The following THEMIS variants were observed in gnomAD, a reference collection of about 807,000 sequenced individuals.
THEMIS encodes the protein protein THEMIS.
A neutral mutation model predicts 52.6 loss-of-function variants in THEMIS; 37 were observed. That is an observed-to-expected ratio of 0.70 (90% CI 0.54 to 0.93). The LOEUF (loss-of-function observed/expected upper bound fraction) is 0.93, where lower values mean the gene tolerates loss of function less well. Ranked by LOEUF, THEMIS falls within the 40% of genes least tolerant of loss-of-function variation. THEMIS has a pLI of 0.00. For missense variants in THEMIS, 808 were observed against 763.1 expected (o/e 1.06, Z -0.69); for synonymous variants, 292 against 272.7 (o/e 1.07, Z -0.70).
chr6:127,802,058 G>A (rs1562266411), intron 4 of THEMIS, among the ~76,000 whole-genome samples: 3 of 152,062 alleles, frequency 2.0e-5, no homozygotes, highest in Non-Finnish European at 4.4e-5. Context: ...AGTTAAAAAA[G>A]GTTCTAAGAG....
At chr6:127,883,212 G>C (rs1280011203) in intron 1 of THEMIS, among the ~76,000 whole-genome samples, 1 of 151,964 alleles carries the variant, frequency 6.6e-6, no homozygotes, top group East Asian at 1.9e-4. Context: ...TTGGTTCTAT[G>C]ATGATAGCAT....
chr6:127,821,714 G>C (rs922055423), intron 3 of THEMIS, among the ~76,000 whole-genome samples: 2 of 151,848 alleles, frequency 1.3e-5, no homozygotes, highest in Non-Finnish European at 2.9e-5. Context: ...TGAATTTAGG[G>C]GACACCACTA....
At chr6:127,833,805 T>C (rs1778781804) in intron 2 of THEMIS, among the ~76,000 whole-genome samples, 1 of 152,144 alleles carries the variant, frequency 6.6e-6, no homozygotes, top group Admixed American at 6.6e-5. Context: ...TATACATTTG[T>C]AGAATATACC....
chr6:127,905,699 A>C (rs919636274), upstream of THEMIS, among the ~76,000 whole-genome samples: 1 of 152,044 alleles, frequency 6.6e-6, no homozygotes, highest in Admixed American at 6.6e-5. Flanking sequence ...CAAAAGCAAA[A>C]CTGATAATGA....
At chr6:127,915,454 C>T (rs549540886) in intron 1 of THEMIS, among the ~76,000 whole-genome samples, 24 of 151,870 alleles carry the variant, frequency 1.6e-4, no homozygotes, top group African/African-American at 4.8e-4. Context: ...AGGCCTTGTT[C>T]GGGCCTATTG....
rs142442434 is a variant in THEMIS at position 127,873,014 on chromosome 6, G to A, written c.92-17826C>T. 4.2e-3 allele frequency among the ~76,000 whole-genome samples: 644 copies of A among 152,232 alleles called. 2 individuals carry two copies. The highest frequency in any genetic ancestry group is 7.5e-3 in the Non-Finnish European group (509 of 67,986). On this transcript the variant is annotated intron_variant, in intron 1 of 5. Coordinates refer to ENST00000368248, the MANE Select transcript of THEMIS (RefSeq NM_001010923.3). ...TTCTGAAACTAGCTATGAACCTGTG[G>A]ATAATGAAATTCAAAATAAAATATT...
chr6:127,743,585 T>C (rs1446926152), intron 4 of THEMIS, among the ~76,000 whole-genome samples: 1 of 152,080 alleles, frequency 6.6e-6, no homozygotes, highest in Non-Finnish European at 1.5e-5. Context: ...AATGTACAAG[T>C]GGTTTTTTAG....
chr6:127,824,598 T>TAAA (rs147570426), intron 3 of THEMIS, among the ~76,000 whole-genome samples: 6 of 148,172 alleles, frequency 4.0e-5, no homozygotes, highest in Non-Finnish European at 7.5e-5. Flanking sequence ...CACCAAAACT[T>TAAA]AAAAAAAAAA....
chr6:127,709,522 A>G lies in THEMIS; in HGVS notation c.*463T>C, dbSNP rs1773902510. The G allele has an allele frequency of 6.5e-6, 1 of 152,800 alleles. No individual in the cohort carries two copies. The highest frequency in any genetic ancestry group is 1.5e-5 in the Non-Finnish European group (1 of 68,522). 9.5% of individuals were successfully genotyped at this position (152,800 alleles called of 1,614,324 possible). A position where few individuals can be genotyped will look rare whatever the true frequency, so the allele number is the denominator to read the frequency against. ...AACCTGAACATTTTAAATCAGTCAG[A>G]TATAATTATTTTTCTGTAAGTTAGT... On this transcript the variant is annotated 3_prime_UTR_variant, in exon 6 of 6. Coordinates refer to ENST00000368248, the MANE Select transcript of THEMIS (RefSeq NM_001010923.3).
chr6:127,706,483 C>G (rs924987999), downstream of THEMIS, among the ~76,000 whole-genome samples: 1 of 152,100 alleles, frequency 6.6e-6, no homozygotes, highest in Non-Finnish European at 1.5e-5. Flanking sequence ...TTAATCAGTT[C>G]ATTCAGCAAA....
intron 1 of THEMIS, among the ~76,000 whole-genome samples, chr6:127,867,873 G>A (rs1780032212): frequency 6.6e-6 from 1 of 151,928 alleles, no homozygotes; most frequent in Non-Finnish European, 1.5e-5. Flanking sequence ...TGAGACTGTA[G>A]AATGAAATTT....
chr6:127,787,383 T>C (rs1270371185), intron 4 of THEMIS, among the ~76,000 whole-genome samples: 3 of 152,036 alleles, frequency 2.0e-5, no homozygotes, highest in Admixed American at 6.6e-5. Context: ...ATATCACTAG[T>C]CCACTAGGTC....
At position 127,828,767 on chromosome 6, in the gene THEMIS, C is replaced by A. The variant is rs183027363; in HGVS notation, c.709+709G>T. ...AAGAGATCGAGACCATCCTGGCCAACATGGTGAAACCCTGTCTCTACTAAA... is the reference window on the plus strand; with the variant it reads ...AAGAGATCGAGACCATCCTGGCCAAAATGGTGAAACCCTGTCTCTACTAAA... On this transcript the variant is annotated intron_variant, in intron 3 of 5. Coordinates refer to ENST00000368248, the MANE Select transcript of THEMIS (RefSeq NM_001010923.3). Among the ~76,000 whole-genome samples the A allele has an allele frequency of 1.4e-4, 22 of 152,260 alleles. 1 individual carries two copies. The East Asian group carries it at 3.7e-3, about 25-fold the overall frequency.
At chr6:127,872,038 T>C (rs1374131072) in intron 1 of THEMIS, among the ~76,000 whole-genome samples, 1 of 152,136 alleles carries the variant, frequency 6.6e-6, no homozygotes, top group South Asian at 2.1e-4. Flanking sequence ...TTCATTAATA[T>C]AGACAAAAAT....
intron 2 of THEMIS, among the ~76,000 whole-genome samples, chr6:127,848,547 T>TA (rs1779304502): frequency 6.6e-6 from 1 of 152,016 alleles, no homozygotes; most frequent in Admixed American, 6.6e-5. Flanking sequence ...ACCAACAGTG[T>TA]AAAAGTGTTC....
At chr6:127,832,205 A>G (rs774603809) in intron 2 of THEMIS, among the ~76,000 whole-genome samples, 9 of 152,170 alleles carry the variant, frequency 5.9e-5, no homozygotes, top group Non-Finnish European at 1.2e-4. Flanking sequence ...ATGAAGTAGG[A>G]AAAGGCTAAA....
intron 1 of THEMIS, chr6:127,909,805 T>G (rs1258374839): frequency 6.6e-6 from 1 of 152,170 alleles, no homozygotes; most frequent in Non-Finnish European, 1.5e-5. Flanking sequence ...GATTCTTATT[T>G]CCACAGTGTT....
intron 1 of THEMIS, among the ~76,000 whole-genome samples, chr6:127,866,938 T>G (rs1779997503): frequency 7.1e-6 from 1 of 141,486 alleles, no homozygotes; most frequent in Non-Finnish European, 1.5e-5. Context: ...CTACTAAGAT[T>G]TTTATTTTTA....
At chr6:127,750,915 A>C (rs139645280) in intron 4 of THEMIS, among the ~76,000 whole-genome samples, 1 of 151,870 alleles carries the variant, frequency 6.6e-6, no homozygotes, top group Non-Finnish European at 1.5e-5. Context: ...TTTCCCAGGC[A>C]AACAAAAGTT....
Sources: allele counts gnomAD v4.1 joint callset (sites outside exome capture counted in the v4.1 genomes callset), GRCh38; gene constraint gnomAD v4.1.1; transcripts MANE v1.5; gene names NCBI Gene and HGNC (gene_info 2026-07-23, HGNC 2026-07-21).